TPRG1: variants seen among roughly 807,000 people sequenced by gnomAD.
TPRG1 encodes tumor protein p63-regulated gene 1 protein.
A neutral mutation model predicts 29.3 loss-of-function variants in TPRG1; 29 were observed. The observed-to-expected ratio is 0.99, with a 90% CI of 0.74 to 1.35. The LOEUF is 1.35. TPRG1 is among the 40% of genes most tolerant of loss of function. The pLI is 0.00. For synonymous variants in TPRG1, 130 were observed against 116.8 expected, an observed-to-expected ratio of 1.11 and a Z score of -0.73; for missense variants, 327 against 335.0, an observed-to-expected ratio of 0.98 and a Z score of 0.19.
chr3:189,252,882 T>G (rs1251649173), intron 4 of TPRG1, among the ~76,000 whole-genome samples: 1 of 152,188 alleles, frequency 6.6e-6, no homozygotes, highest in East Asian at 1.9e-4. Context: ...AAAACTTATT[T>G]ATTCTCAAAG....
chr3:189,009,039 TGCTGTG>T (rs1240327659), intron 3 of TPRG1, among the ~76,000 whole-genome samples: 1 of 152,154 alleles, frequency 6.6e-6, no homozygotes, highest in East Asian at 1.9e-4. Context: ...TTTGCCTTTG[TGCTGTG>T]GCTTTTCATT....
chr3:189,082,874 T>TCA (rs967250906), intron 4 of TPRG1, among the ~76,000 whole-genome samples: 9 of 151,496 alleles, frequency 5.9e-5, no homozygotes, highest in Non-Finnish European at 8.8e-5. Context: ...GAACGTACAT[T>TCA]CACACACACA....
At chr3:189,056,075 T>A (rs961921864) in intron 4 of TPRG1, among the ~76,000 whole-genome samples, 28 of 132,896 alleles carry the variant, frequency 2.1e-4, no homozygotes, top group Non-Finnish European at 3.7e-4. Context: ...CTTCCTTCCT[T>A]CCTTCCTTCC....
In TPRG1 at chr3:189,122,994, A is replaced by T. The variant is rs140582373; in HGVS notation, c.-743-4063A>T. On this transcript the variant is annotated intron_variant, in intron 1 of 6. Coordinates refer to the TPRG1 transcript ENST00000412373. ...CAGGCAAATGCTTTGTCCTCCTTGT[A>T]TCAGGGAGAATGAAAGTGAAAACGC... 3.9e-5 allele frequency among the ~76,000 whole-genome samples: 6 copies of T among 152,346 alleles called. No homozygotes were observed. In the East Asian group the frequency reaches 9.6e-4, roughly 24 times the overall value.
At chr3:189,227,600 G>T (rs1175783110) in intron 3 of TPRG1, among the ~76,000 whole-genome samples, 1 of 152,136 alleles carries the variant, frequency 6.6e-6, no homozygotes, top group Non-Finnish European at 1.5e-5. Context: ...GATACAAGTT[G>T]TTACTACACA....
At chr3:189,147,259 C>G (rs966920689) in intron 3 of TPRG1, among the ~76,000 whole-genome samples, 1 of 152,196 alleles carries the variant, frequency 6.6e-6, no homozygotes, top group Admixed American at 6.5e-5. Flanking sequence ...AGAAGCTGAG[C>G]TCTCCAGAAT....
At chr3:189,215,436 C>A in intron 3 of TPRG1, 53 bp downstream of exon 3, 1 of 1,438,814 alleles carries the variant, frequency 7.0e-7, no homozygotes, top group Non-Finnish European at 9.7e-7. Context: ...TTTTCCTTGA[C>A]ATCACTGTAG....
intron 5 of TPRG1, among the ~76,000 whole-genome samples, chr3:189,314,230 G>A (rs58954984): frequency 0.018 from 2,746 of 152,242 alleles, 36 homozygotes; most frequent in South Asian, 0.051. Context: ...ACTTGGGGTA[G>A]GGTTGGTTGT....
At chr3:189,032,927 T>G (rs1714018912) in intron 4 of TPRG1, among the ~76,000 whole-genome samples, 1 of 152,034 alleles carries the variant, frequency 6.6e-6, no homozygotes, top group South Asian at 2.1e-4. Context: ...GGACATGAAC[T>G]CATCATTTTT....
intron 3 of TPRG1, among the ~76,000 whole-genome samples, chr3:189,019,131 G>C (rs1713134567): frequency 6.6e-6 from 1 of 151,096 alleles, no homozygotes; most frequent in Non-Finnish European, 1.5e-5. Context: ...GAGATTTTGG[G>C]CTGAGACAAT....
At chr3:189,078,933 C>T (rs116215913) in intron 4 of TPRG1, among the ~76,000 whole-genome samples, 15 of 152,254 alleles carry the variant, frequency 9.9e-5, no homozygotes, top group African/African-American at 3.4e-4. Flanking sequence ...CATCGTGTCT[C>T]AGTCTGTTTA....
chr3:189,053,411 G>A (rs1419027904), intron 4 of TPRG1, among the ~76,000 whole-genome samples: 1 of 151,978 alleles, frequency 6.6e-6, no homozygotes, highest in Admixed American at 6.6e-5. Flanking sequence ...TGTCTTATCC[G>A]AGTTTCTTTC....
intron 5 of TPRG1, among the ~76,000 whole-genome samples, chr3:189,315,298 G>GCA (rs1723322381): frequency 2.0e-5 from 3 of 151,856 alleles, no homozygotes; most frequent in Non-Finnish European, 4.4e-5. Context: ...GTGTGTGTGT[G>GCA]TGTGTGTGTG....
At chr3:189,204,574 TCAAA>T (rs745988458) in intron 1 of TPRG1, among the ~76,000 whole-genome samples, 5 of 152,214 alleles carry the variant, frequency 3.3e-5, no homozygotes, top group African/African-American at 4.8e-5. Flanking sequence ...TTCCTGGATC[TCAAA>T]CAGCTTGGTC....
At chr3:189,216,134 T>A (rs1218669216) in intron 3 of TPRG1, among the ~76,000 whole-genome samples, 1 of 152,222 alleles carries the variant, frequency 6.6e-6, no homozygotes, top group Non-Finnish European at 1.5e-5. Context: ...AATTTTTTTT[T>A]ACTACGGAAG....
intron 3 of TPRG1, among the ~76,000 whole-genome samples, chr3:189,232,510 T>C (rs1560584297): frequency 1.3e-5 from 2 of 152,348 alleles, no homozygotes; most frequent in South Asian, 2.1e-4. Context: ...GTTACCATTG[T>C]CAAGCCTCGT....
chr3:189,265,596 C>G (rs1229627155), intron 4 of TPRG1, among the ~76,000 whole-genome samples: 1 of 152,144 alleles, frequency 6.6e-6, no homozygotes, highest in East Asian at 1.9e-4. Context: ...CTCAGGCTGC[C>G]TTGAATCTAA....
chr3:189,021,673 A>T (rs372380301), intron 3 of TPRG1, among the ~76,000 whole-genome samples: 17 of 152,002 alleles, frequency 1.1e-4, no homozygotes, highest in South Asian at 4.2e-4. Flanking sequence ...CATTTTTTCC[A>T]TCATTTCAAC....
chr3:189,222,252 C>A (rs1171916612), intron 3 of TPRG1, among the ~76,000 whole-genome samples: 1 of 152,064 alleles, frequency 6.6e-6, no homozygotes, highest in Non-Finnish European at 1.5e-5. Context: ...CACACGTTTA[C>A]CTTGTCACAG....
Sources: gnomAD v4.1 joint callset for allele counts (sites outside exome capture counted in the v4.1 genomes callset) on GRCh38, gnomAD v4.1.1 for gene constraint, MANE v1.5 for transcripts, NCBI Gene and HGNC (gene_info 2026-07-23, HGNC 2026-07-21) for gene names.